Variants in CCNY observed in about 807,000 individuals in gnomAD.
CCNY encodes the protein cyclin Y, also known as cyclin-Y.
CCNY carries 19 observed loss-of-function variants against 42.8 expected under a neutral mutation model. That is an observed-to-expected ratio of 0.44 (90% confidence interval 0.31 to 0.65). CCNY has a LOEUF of 0.65. Ranked by LOEUF, CCNY falls within the 30% of genes least tolerant of loss-of-function variation. The pLI is 0.07. For synonymous variants in CCNY, 165 were observed against 162.7 expected (o/e 1.01, Z -0.11); for missense variants, 370 against 437.3 (o/e 0.85, Z 1.37).
intron 1 of CCNY, among the ~76,000 whole-genome samples, chr10:35,470,076 AATGGAGAGACAGAGAG>A (rs1839358807): frequency 7.0e-6 from 1 of 143,268 alleles, no homozygotes. Context: ...GAGATAGGGC[AATGGAGAGACAGAGAG>A]ATGGAGAGAC....
chr10:35,272,833 G>C (rs1456518260), intron 3 of CCNY, among the ~76,000 whole-genome samples: 3 of 152,080 alleles, frequency 2.0e-5, no homozygotes, highest in African/African-American at 7.2e-5. Flanking sequence ...TTAGGTCTTT[G>C]AGGAATCACC....
At chr10:35,357,600 G>C (rs917358837) in intron 1 of CCNY, among the ~76,000 whole-genome samples, 7 of 152,200 alleles carry the variant, frequency 4.6e-5, no homozygotes, top group African/African-American at 1.7e-4. Flanking sequence ...GTGTCAGAAG[G>C]CACGTGTCTG....
At chr10:35,485,493 A>G (rs1186241073) in intron 2 of CCNY, among the ~76,000 whole-genome samples, 1 of 152,226 alleles carries the variant, frequency 6.6e-6, no homozygotes, top group East Asian at 1.9e-4. Flanking sequence ...TGGGAGGCCA[A>G]GGCGGGTGGA....
chr10:35,487,697 C>T (rs780183923), intron 2 of CCNY, among the ~76,000 whole-genome samples: 1 of 152,026 alleles, frequency 6.6e-6, no homozygotes, highest in Non-Finnish European at 1.5e-5. Flanking sequence ...TCATCAGACC[C>T]CTCCAGAGGC....
At chr10:35,309,507 C>T (rs1217722560) in intron 3 of CCNY, among the ~76,000 whole-genome samples, 1 of 152,104 alleles carries the variant, frequency 6.6e-6, no homozygotes, top group Non-Finnish European at 1.5e-5. Context: ...TCTGCAGCCT[C>T]GAACTCCTGG....
At chr10:35,545,771 AGG>A (rs1841099484) in intron 7 of CCNY, among the ~76,000 whole-genome samples, 2 of 152,204 alleles carry the variant, frequency 1.3e-5, no homozygotes, top group African/African-American at 4.8e-5. Context: ...GCTGTAGTTT[AGG>A]GTAAAGATTA....
intron 3 of CCNY, among the ~76,000 whole-genome samples, chr10:35,262,493 G>A (rs1163930934): frequency 5.3e-5 from 8 of 151,618 alleles, no homozygotes; most frequent in Admixed American, 5.3e-4. Flanking sequence ...CGAGTAGCTG[G>A]GACTACAGGT....
chr10:35,341,447 A>C (rs754470945), intron 1 of CCNY, among the ~76,000 whole-genome samples: 34 of 152,216 alleles, frequency 2.2e-4, no homozygotes, highest in Non-Finnish European at 4.3e-4. Flanking sequence ...ACTTTATGAT[A>C]TACTATATAA....
At chr10:35,494,278 T>A (rs1292405412) in intron 2 of CCNY, among the ~76,000 whole-genome samples, 2 of 149,192 alleles carry the variant, frequency 1.3e-5, no homozygotes, top group Admixed American at 1.3e-4. Flanking sequence ...TTTTTTTTTT[T>A]AAAGAAAGAG....
chr10:35,255,447 C>A (rs938772146), intron 3 of CCNY, among the ~76,000 whole-genome samples: 1 of 151,790 alleles, frequency 6.6e-6, no homozygotes, highest in Admixed American at 6.6e-5. Context: ...TAGGCACACA[C>A]CACCATGCCT....
intron 4 of CCNY, among the ~76,000 whole-genome samples, chr10:35,518,208 A>G (rs1010134146): frequency 5.9e-5 from 9 of 152,234 alleles, no homozygotes; most frequent in African/African-American, 1.9e-4. Context: ...TGACAATTTG[A>G]TAGTTCATCG....
At chr10:35,335,821 T>G (rs1836010706), upstream of CCNY, 1 of 151,302 alleles carries the variant, frequency 6.6e-6, no homozygotes, top group African/African-American at 2.5e-5. Context: ...TAGCCTGGCG[T>G]AGTGGCGGGA....
chr10:35,324,017 C>CAAA (rs35546209), intron 3 of CCNY, among the ~76,000 whole-genome samples: 1 of 135,094 alleles, frequency 7.4e-6, no homozygotes. Context: ...GACTTTGCCT[C>CAAA]AAAAAAAAAA....
chr10:35,478,826 A>G (rs1326807045), intron 1 of CCNY, among the ~76,000 whole-genome samples: 3 of 152,242 alleles, frequency 2.0e-5, no homozygotes, highest in Non-Finnish European at 4.4e-5. Context: ...GCACAGCAAA[A>G]TAGACTACCA....
intron 3 of CCNY, among the ~76,000 whole-genome samples, chr10:35,324,934 T>C (rs1172454506): frequency 6.6e-6 from 1 of 152,236 alleles, no homozygotes; most frequent in Non-Finnish European, 1.5e-5. Flanking sequence ...TTCTGAAGGC[T>C]ATAATGAGAA....
intron 1 of CCNY, among the ~76,000 whole-genome samples, chr10:35,377,528 A>G (rs774649008): frequency 2.0e-5 from 3 of 152,214 alleles, no homozygotes; most frequent in East Asian, 3.8e-4. Flanking sequence ...AGTACACTCT[A>G]TGACGTTTGC....
At chr10:35,291,051 G>T (rs1340308200) in intron 3 of CCNY, among the ~76,000 whole-genome samples, 1 of 151,684 alleles carries the variant, frequency 6.6e-6, no homozygotes, top group African/African-American at 2.4e-5. Flanking sequence ...TATCGCCCAG[G>T]CTGGAGTGCA....
At chr10:35,522,542 G>A (rs769099397) in intron 4 of CCNY, among the ~76,000 whole-genome samples, 5 of 152,128 alleles carry the variant, frequency 3.3e-5, no homozygotes, top group Non-Finnish European at 7.3e-5. Flanking sequence ...ATGAGAGTCA[G>A]TATGTGACCC....
intron 1 of CCNY, among the ~76,000 whole-genome samples, chr10:35,342,760 G>A (rs1484389597): frequency 6.6e-6 from 1 of 152,154 alleles, no homozygotes; most frequent in Non-Finnish European, 1.5e-5. Context: ...GAGCCTTAAA[G>A]GTTAAGGCAT....
Sources: gnomAD v4.1 joint callset for allele counts (sites outside exome capture counted in the v4.1 genomes callset) on GRCh38, gnomAD v4.1.1 for gene constraint, MANE v1.5 for transcripts, NCBI Gene and HGNC (gene_info 2026-07-23, HGNC 2026-07-21) for gene names.